TLK1: variants seen among roughly 807,000 people sequenced by gnomAD.
TLK1 encodes the protein tousled like kinase 1, also known as serine/threonine-protein kinase tousled-like 1.
TLK1 carries 24 observed loss-of-function variants against 105.3 expected under a neutral mutation model. The ratio of observed to expected loss-of-function variants is 0.23; its 90% CI spans 0.17 to 0.32. The LOEUF (loss-of-function observed/expected upper bound fraction) is 0.32. Among genes scored for constraint, TLK1 ranks in the 10% least tolerant of loss-of-function variants. The pLI is 1.00. For missense variants in TLK1, 558 were observed against 910.5 expected (o/e 0.61, Z 4.98); for synonymous variants, 321 against 310.4 (o/e 1.03, Z -0.36).
At chr2:171,042,412 T>A (rs1686723857) in intron 11 of TLK1, among the ~76,000 whole-genome samples, 1 of 147,850 alleles carries the variant, frequency 6.8e-6, no homozygotes, top group African/African-American at 2.5e-5. Context: ...ACTTGGCTAA[T>A]TTTTTTTTTT....
At chr2:171,129,823 G>A (rs963280519) in intron 1 of TLK1, among the ~76,000 whole-genome samples, 7 of 122,846 alleles carry the variant, frequency 5.7e-5, no homozygotes, top group African/African-American at 9.0e-5. Context: ...ATATAGATAG[G>A]TTACCAAATA....
chr2:171,095,104 T>C (rs745354705), intron 2 of TLK1, among the ~76,000 whole-genome samples: 7 of 151,804 alleles, frequency 4.6e-5, no homozygotes, highest in South Asian at 2.1e-4. Flanking sequence ...ACACTGCATA[T>C]CAAAACATAT....
intron 1 of TLK1, among the ~76,000 whole-genome samples, chr2:171,201,557 C>T (rs1035237700): frequency 6.6e-6 from 1 of 152,286 alleles, no homozygotes; most frequent in East Asian, 1.9e-4. Context: ...AAGCTCACTA[C>T]TATTTAGGTT....
At chr2:171,042,316 A>G (rs1443148847) in intron 11 of TLK1, among the ~76,000 whole-genome samples, 1 of 152,110 alleles carries the variant, frequency 6.6e-6, no homozygotes. Flanking sequence ...GAGTGATCAT[A>G]GCTCACTGTA....
rs1228710260 is a variant in TLK1 at position 170,992,647 on chromosome 2, T to A, written c.*1133A>T. 3 of 152,614 alleles carry A rather than the reference T, an allele frequency of 2.0e-5. No homozygotes were observed. Among genetic ancestry groups the A allele is most frequent in the Non-Finnish European group, 4.4e-5 (3 of 68,008 alleles). 9.5% of individuals were successfully genotyped at this position (152,614 alleles called of 1,614,324 possible). The stretch of plus-strand genomic sequence containing the variant: ...TTTAAAAACTCAATTATGTCCAACA[T>A]GGATCACTTTTACATCTTGATTGTT... On this transcript the variant is annotated 3_prime_UTR_variant, in exon 21 of 21. Coordinates refer to ENST00000431350, the MANE Select transcript of TLK1 (RefSeq NM_012290.5).
At chr2:170,998,565 T>C (rs1018108432) in intron 18 of TLK1, among the ~76,000 whole-genome samples, 1 of 152,168 alleles carries the variant, frequency 6.6e-6, no homozygotes, top group Non-Finnish European at 1.5e-5. Flanking sequence ...AAGCCATCTT[T>C]TGCTTCTCCC....
chr2:171,000,732 T>C (rs1015028192), intron 18 of TLK1, among the ~76,000 whole-genome samples: 4 of 152,180 alleles, frequency 2.6e-5, no homozygotes, highest in South Asian at 2.1e-4. Flanking sequence ...CTTTTTCATA[T>C]AGTATCAATC....
At chr2:171,198,088 G>C (rs184784387) in intron 1 of TLK1, among the ~76,000 whole-genome samples, 2 of 152,226 alleles carry the variant, frequency 1.3e-5, no homozygotes, top group East Asian at 1.9e-4. Context: ...TTGCATAGGG[G>C]AGATGGTCTT....
chr2:171,007,542 G>A (rs1399200159), intron 14 of TLK1, among the ~76,000 whole-genome samples: 7 of 151,564 alleles, frequency 4.6e-5, no homozygotes, highest in Admixed American at 3.9e-4. Context: ...AAAAAAACTC[G>A]TTATTATAAA....
chr2:171,132,652 G>A lies in TLK1; in HGVS notation c.140-14795C>T, dbSNP rs187325126. 1.3e-4 allele frequency among the ~76,000 whole-genome samples: 20 copies of A among 152,236 alleles called. No individual in the cohort carries two copies. In the East Asian group the frequency reaches 3.9e-3, roughly 29 times the overall value. On this transcript the variant is annotated intron_variant, in intron 1 of 20. Coordinates refer to ENST00000431350, the MANE Select transcript of TLK1 (RefSeq NM_012290.5). ...TTGTGTTTAATACTGATGGCTGTTA[G>A]CCAGGTGCTATGGCTTCCGAGTTCA...
chr2:171,063,226 G>A (rs1687838696), intron 3 of TLK1, among the ~76,000 whole-genome samples: 1 of 151,932 alleles, frequency 6.6e-6, no homozygotes, highest in Admixed American at 6.6e-5. Flanking sequence ...CATGCCTGTA[G>A]TGCCAGCTAC....
intron 12 of TLK1, chr2:171,023,098 T>G (rs555199644): frequency 8.5e-6 from 4 of 471,160 alleles, no homozygotes; most frequent in African/African-American, 8.0e-5. Flanking sequence ...GAACAGGATT[T>G]CAGTGGCAGA....
At chr2:171,054,956 G>A in intron 7 of TLK1, 127 bp downstream of exon 7, 1 of 475,300 alleles carries the variant, frequency 2.1e-6, no homozygotes, top group Non-Finnish European at 3.5e-6. Context: ...TGTTTAGTAA[G>A]TTATCTTTCT....
intron 3 of TLK1, among the ~76,000 whole-genome samples, chr2:171,068,155 C>T (rs1307211988): frequency 1.3e-5 from 2 of 152,014 alleles, no homozygotes; most frequent in Non-Finnish European, 2.9e-5. Context: ...GGCGAAACCC[C>T]ACCTCTACTA....
At chr2:170,998,330 A>G (rs1185878485) in intron 18 of TLK1, among the ~76,000 whole-genome samples, 4 of 152,186 alleles carry the variant, frequency 2.6e-5, no homozygotes, top group Non-Finnish European at 5.9e-5. Flanking sequence ...TGTTTGTAAC[A>G]CAAGACTCAT....
intron 3 of TLK1, among the ~76,000 whole-genome samples, chr2:171,073,155 G>T (rs1014416357): frequency 2.0e-5 from 3 of 151,980 alleles, no homozygotes; most frequent in Non-Finnish European, 4.4e-5. Flanking sequence ...TATATAATCT[G>T]CAAACAAGGA....
At chr2:171,012,874 C>A (rs1428445826) in intron 13 of TLK1, among the ~76,000 whole-genome samples, 1 of 152,080 alleles carries the variant, frequency 6.6e-6, no homozygotes, top group African/African-American at 2.4e-5. Flanking sequence ...TAAGAAATTT[C>A]TGCTTAGTTT....
intron 1 of TLK1, among the ~76,000 whole-genome samples, chr2:171,153,680 C>G (rs1354371832): frequency 1.3e-5 from 2 of 152,190 alleles, no homozygotes; most frequent in Admixed American, 6.5e-5. Context: ...AGGCACTTAA[C>G]TAGGGGCAGA....
intron 2 of TLK1, among the ~76,000 whole-genome samples, chr2:171,107,239 G>C (rs1056224759): frequency 6.6e-6 from 1 of 152,196 alleles, no homozygotes; most frequent in Non-Finnish European, 1.5e-5. Context: ...GATTCTCTGA[G>C]ATAATATGCC....
Sources: allele counts gnomAD v4.1 joint callset (sites outside exome capture counted in the v4.1 genomes callset), GRCh38; gene constraint gnomAD v4.1.1; transcripts MANE v1.5; gene names NCBI Gene and HGNC (gene_info 2026-07-23, HGNC 2026-07-21).